Variants in RUFY2 observed in about 807,000 individuals in gnomAD.
RUFY2 encodes the protein RUN and FYVE domain containing 2, also known as RUN and FYVE domain-containing protein 2.
Under a neutral mutation model 94.4 loss-of-function variants are expected in RUFY2, and 49 were observed. The ratio of observed to expected loss-of-function variants is 0.52; its 90% CI spans 0.41 to 0.66. RUFY2 has a LOEUF of 0.66. Ranked by LOEUF, RUFY2 falls within the 30% of genes least tolerant of loss-of-function variation. The pLI, the probability that RUFY2 is intolerant of heterozygous loss-of-function variation, is 0.00. For missense variants in RUFY2, 541 were observed against 692.8 expected (o/e 0.78, Z 2.46); for synonymous variants, 255 against 235.7 (o/e 1.08, Z -0.75).
chr10:68,386,185 A>C, intron 7 of RUFY2, 57 bp from the exon 8 acceptor site: 1 of 1,373,582 alleles, frequency 7.3e-7, no homozygotes. Context: ...AAAAGGCACG[A>C]AAAAATATGT....
rs140944002 is a variant in RUFY2, at chr10:68,353,619, G to A, written c.1599+1734C>T. 1.4e-4 allele frequency among the ~76,000 whole-genome samples: 21 copies of A among 151,904 alleles called. No homozygotes were observed. The East Asian group carries it at 4.1e-3, about 29-fold the overall frequency. ...GTTCAAGACCACTCTAGACAACACA[G>A]CAGATACTGTCTCTACAAAAAATTT... On this transcript the variant is annotated intron_variant, in intron 16 of 17. Transcript: ENST00000602465.
intron 13 of RUFY2, among the ~76,000 whole-genome samples, chr10:68,369,399 T>A (rs748958294): frequency 6.6e-6 from 1 of 151,156 alleles, no homozygotes; most frequent in Non-Finnish European, 1.5e-5. Flanking sequence ...GCAGGAGGAT[T>A]GCCTGAACTG....
At chr10:68,406,618 C>T (rs1457980005) in intron 1 of RUFY2, 8 of 841,104 alleles carry the variant, frequency 9.5e-6, no homozygotes, top group Non-Finnish European at 1.4e-5. Flanking sequence ...GCCGCAGGCG[C>T]GCAAGGAGTA....
chr10:68,393,952 TG>T, intron 6 of RUFY2, 122 bp downstream of exon 6: 2 of 1,409,898 alleles, frequency 1.4e-6, no homozygotes, highest in Non-Finnish European at 1.9e-6. Context: ...GAAAATGAAA[TG>T]AAGAAGTCAC....
At chr10:68,385,223 C>A (rs538707965) in intron 8 of RUFY2, among the ~76,000 whole-genome samples, 3 of 150,842 alleles carry the variant, frequency 2.0e-5, no homozygotes, top group Non-Finnish European at 4.4e-5. Context: ...GAGATCGCGC[C>A]ACTGCACTCC....
chr10:68,370,450 T>TTC (rs1433759594), intron 13 of RUFY2, among the ~76,000 whole-genome samples: 4 of 139,674 alleles, frequency 2.9e-5, no homozygotes, highest in South Asian at 2.2e-4. Flanking sequence ...TCTTTTTTCT[T>TTC]TTTTTTTTTT....
intron 15 of RUFY2, among the ~76,000 whole-genome samples, chr10:68,361,337 C>T (rs1009478919): frequency 1.3e-5 from 2 of 152,176 alleles, no homozygotes; most frequent in Admixed American, 6.6e-5. Flanking sequence ...ATATTCCTTA[C>T]TTTACTATTC....
chr10:68,380,588 A>G (rs1342188456), intron 11 of RUFY2, among the ~76,000 whole-genome samples: 1 of 151,926 alleles, frequency 6.6e-6, no homozygotes, highest in African/African-American at 2.4e-5. Context: ...TGGGCCAGGC[A>G]TGGTGGCTCA....
At chr10:68,354,594 T>G (rs754528212) in intron 16 of RUFY2, among the ~76,000 whole-genome samples, 7 of 152,226 alleles carry the variant, frequency 4.6e-5, no homozygotes, top group Non-Finnish European at 1.0e-4. Flanking sequence ...ACAACCATAC[T>G]GGTAAAGTGT....
chr10:68,361,497 G>T (rs2047461711), intron 15 of RUFY2, among the ~76,000 whole-genome samples: 1 of 152,116 alleles, frequency 6.6e-6, no homozygotes. Context: ...AGAAATAAAT[G>T]GAAAATAAGG....
intron 13 of RUFY2, among the ~76,000 whole-genome samples, chr10:68,366,759 T>TATATATATATATATAAAA (rs1235098742): frequency 2.3e-5 from 3 of 131,848 alleles, no homozygotes; most frequent in South Asian, 2.4e-4. Context: ...TATATATATA[T>TATATATATATATATAAAA]AATATTAAAT....
intron 13 of RUFY2, among the ~76,000 whole-genome samples, chr10:68,364,492 A>T (rs12217933): frequency 0.094 from 14,300 of 152,266 alleles, 1,010 homozygotes; most frequent in South Asian, 0.25. Flanking sequence ...TTACACTTCT[A>T]TGCCATGTGA....
intron 15 of RUFY2, among the ~76,000 whole-genome samples, chr10:68,357,229 CTTTG>C (rs2047119780): frequency 6.6e-6 from 1 of 150,930 alleles, no homozygotes; most frequent in South Asian, 2.1e-4. Flanking sequence ...AGTGGTATAA[CTTTG>C]TTTTTTTTTT....
chr10:68,347,399 C>T (rs549110634), intron 16 of RUFY2, among the ~76,000 whole-genome samples: 1 of 150,712 alleles, frequency 6.6e-6, no homozygotes, highest in Non-Finnish European at 1.5e-5. Context: ...ATTCTCCTGC[C>T]TCAGCTTCCC....
intron 7 of RUFY2, among the ~76,000 whole-genome samples, chr10:68,387,775 C>CCAA (rs2049623252): frequency 8.1e-6 from 1 of 123,380 alleles, no homozygotes; most frequent in Non-Finnish European, 1.8e-5. Flanking sequence ...GAGGCCGAGG[C>CCAA]GGGCAGATCA....
intron 16 of RUFY2, among the ~76,000 whole-genome samples, chr10:68,350,874 G>A (rs758413687): frequency 2.0e-5 from 3 of 151,596 alleles, no homozygotes; most frequent in Middle Eastern, 3.2e-3. Context: ...CACTATGCCC[G>A]GCTAATTTTG....
chr10:68,390,373 T>C (rs2049883898), intron 7 of RUFY2, among the ~76,000 whole-genome samples: 1 of 152,140 alleles, frequency 6.6e-6, no homozygotes, highest in South Asian at 2.1e-4. Context: ...AAAATAAAAA[T>C]TATTCATAAT....
intron 10 of RUFY2, 31 bp downstream of exon 10, chr10:68,383,767 T>C (rs2132842162): frequency 7.1e-7 from 1 of 1,405,074 alleles, no homozygotes; most frequent in Non-Finnish European, 1.0e-6. Context: ...CCCAGGATGA[T>C]CTTGCTAATG....
intron 15 of RUFY2, among the ~76,000 whole-genome samples, chr10:68,359,277 C>T (rs1032093955): frequency 6.6e-6 from 1 of 151,024 alleles, no homozygotes; most frequent in African/African-American, 2.4e-5. Flanking sequence ...ATTCAGGAGG[C>T]TGAGGCAGGA....
Sources: gnomAD v4.1 joint callset for allele counts (sites outside exome capture counted in the v4.1 genomes callset) on GRCh38, gnomAD v4.1.1 for gene constraint, MANE v1.5 for transcripts, NCBI Gene and HGNC (gene_info 2026-07-23, HGNC 2026-07-21) for gene names.